CIMAP2: variants seen among roughly 807,000 people sequenced by gnomAD.
CIMAP2 encodes ciliary microtubule-associated protein 2.
At chr1:54,806,159 C>T in the CIMAP2 span, 14 of 1,550,082 alleles carry the variant, frequency 9.0e-6, no homozygotes, top group South Asian at 4.8e-5. Flanking sequence ...TGGCTGGAAC[C>T]GCGTCGGCTC....
At chr1:54,816,352 C>T in the CIMAP2 span, among the ~76,000 whole-genome samples, 1 of 152,206 alleles carries the variant, frequency 6.6e-6, no homozygotes, top group African/African-American at 2.4e-5. Flanking sequence ...GGGTTCTTGT[C>T]CTGCCTTTAT....
chr1:54,817,339 G>A, the CIMAP2 span, among the ~76,000 whole-genome samples: 1 of 152,214 alleles, frequency 6.6e-6, no homozygotes, highest in East Asian at 1.9e-4. Context: ...TAACTTCGCT[G>A]AGCCTCATTT....
the CIMAP2 span, among the ~76,000 whole-genome samples, chr1:54,820,114 CTTTCTT>C: frequency 7.8e-4 from 38 of 48,938 alleles, no homozygotes; most frequent in East Asian, 8.7e-4. Context: ...CTCTCTCTCT[CTTTCTT>C]TCTTTCTTTC....
chr1:54,811,766 C>CGGGG, the CIMAP2 span: 9 of 1,305,174 alleles, frequency 6.9e-6, no homozygotes, highest in Non-Finnish European at 8.6e-6. Flanking sequence ...GTTCTGACAG[C>CGGGG]CTCCATGCCC....
the CIMAP2 span, among the ~76,000 whole-genome samples, chr1:54,828,370 G>C: frequency 2.6e-5 from 4 of 152,112 alleles, no homozygotes; most frequent in Non-Finnish European, 5.9e-5. Context: ...CAGGGCGGGG[G>C]TGCCACCCAG....
chr1:54,811,772 T>TC, the CIMAP2 span: 2 of 454,862 alleles, frequency 4.4e-6, no homozygotes, highest in African/African-American at 2.7e-5. Flanking sequence ...ACAGCCTCCA[T>TC]GCCCCCACCC....
At chr1:54,806,890 C>T in the CIMAP2 span, 1 of 1,058,228 alleles carries the variant, frequency 9.4e-7, no homozygotes, top group Non-Finnish European at 1.5e-6. Context: ...TGAGCTTGCT[C>T]CAAAGTCACC....
chr1:54,830,733 C>T, the CIMAP2 span, among the ~76,000 whole-genome samples: 1 of 152,178 alleles, frequency 6.6e-6, no homozygotes, highest in African/African-American at 2.4e-5. This position sits in a 1 kb window ranked among gnomAD's most constrained non-coding sequence, Gnocchi z 4.1. Context: ...TTGGTTTCAT[C>T]TTCATTCCCA....
the CIMAP2 span, among the ~76,000 whole-genome samples, chr1:54,820,676 T>C: frequency 5.3e-5 from 8 of 152,328 alleles, no homozygotes; most frequent in African/African-American, 1.9e-4. Flanking sequence ...TGCATTTCCC[T>C]GATGATTTGT....
chr1:54,837,699 C>T, the CIMAP2 span, among the ~76,000 whole-genome samples: 3 of 152,222 alleles, frequency 2.0e-5, no homozygotes, highest in African/African-American at 7.2e-5. Context: ...GTGTTCATTG[C>T]CCCCAAGGGG....
the CIMAP2 span, among the ~76,000 whole-genome samples, chr1:54,838,642 A>C: frequency 6.6e-6 from 1 of 152,130 alleles, no homozygotes; most frequent in South Asian, 2.1e-4. Context: ...AACCACCCAG[A>C]AACTCAGTGG....
chr1:54,833,919 C>T, the CIMAP2 span, among the ~76,000 whole-genome samples: 1 of 152,044 alleles, frequency 6.6e-6, no homozygotes, highest in Non-Finnish European at 1.5e-5. Flanking sequence ...CTCATTGCAA[C>T]CTCCACCTCC....
the CIMAP2 span, chr1:54,814,881 C>T: frequency 6.2e-7 from 1 of 1,613,504 alleles, no homozygotes; most frequent in East Asian, 2.2e-5. Context: ...GCCAGAGCCT[C>T]TCCAGATTTC....
chr1:54,840,154 C>A, the CIMAP2 span, among the ~76,000 whole-genome samples: 5 of 152,252 alleles, frequency 3.3e-5, no homozygotes, highest in Non-Finnish European at 5.9e-5. Flanking sequence ...TCAGTCTACT[C>A]CTCCCACTGC....
At chr1:54,831,030 T>G in the CIMAP2 span, among the ~76,000 whole-genome samples, 2 of 152,308 alleles carry the variant, frequency 1.3e-5, no homozygotes, top group East Asian at 3.9e-4. Context: ...AAAAGTGTGG[T>G]GAAATTTCTG....
the CIMAP2 span, among the ~76,000 whole-genome samples, chr1:54,821,898 T>C: frequency 4.3e-3 from 400 of 93,902 alleles, 44 homozygotes; most frequent in Middle Eastern, 0.01. Flanking sequence ...TTTTTTTTTT[T>C]TTTTTTTTTT....
At chr1:54,841,977 G>A in the CIMAP2 span, 4 of 1,181,336 alleles carry the variant, frequency 3.4e-6, no homozygotes, top group Non-Finnish European at 4.9e-6. Context: ...CTTAGAGAAA[G>A]GACACATGGG....
the CIMAP2 span, chr1:54,814,769 T>TA: frequency 8.5e-7 from 1 of 1,176,682 alleles, no homozygotes; most frequent in Non-Finnish European, 1.2e-6. Flanking sequence ...TGCCGGGAGA[T>TA]AGCTGGGTAC....
chr1:54,814,390 G>A, the CIMAP2 span, among the ~76,000 whole-genome samples: 1 of 152,202 alleles, frequency 6.6e-6, no homozygotes, highest in Non-Finnish European at 1.5e-5. Flanking sequence ...CCAAGGGAGT[G>A]GTGCACTCGG....
Sources: allele counts gnomAD v4.1 joint callset (sites outside exome capture counted in the v4.1 genomes callset), GRCh38; gene constraint gnomAD v4.1.1; non-coding constraint Gnocchi (gnomAD v3.1); transcripts MANE v1.5; gene names NCBI Gene and HGNC (gene_info 2026-07-23, HGNC 2026-07-21).